The following PSIP1 variants were observed in gnomAD, a reference collection of about 807,000 sequenced individuals.
The protein encoded by PSIP1 is PC4 and SFRS1-interacting protein.
A neutral mutation model predicts 74.7 loss-of-function variants in PSIP1; 19 were observed. That is an observed-to-expected ratio of 0.25 (90% CI 0.18 to 0.37). The LOEUF (loss-of-function observed/expected upper bound fraction) is 0.37, where lower values mean the gene tolerates loss of function less well. Among genes scored for constraint, PSIP1 ranks in the 10% least tolerant of loss-of-function variants. The pLI, the probability that PSIP1 is intolerant of heterozygous loss-of-function variation, is 1.00. For missense variants in PSIP1, 601 were observed against 614.3 expected (o/e 0.98, Z 0.23); for synonymous variants, 222 against 195.3 (o/e 1.14, Z -1.14).
chr9:15,472,564 C>A (rs1219205366), intron 10 of PSIP1, 68 bp downstream of exon 10: 2 of 1,526,056 alleles, frequency 1.3e-6, no homozygotes, highest in South Asian at 2.6e-5. Flanking sequence ...AAATGAAAGT[C>A]TATTATTTAA....
rs922920368 is a variant in PSIP1, at chr9:15,465,544, C to G, written c.1569G>C (p.Leu523=). Residue 523 remains leucine, a synonymous_variant, in exon 16 of 16, where the codon CTG becomes CTC. Transcript: ENST00000380733. ...CCTAGTTATCTAGTGTAGAATCCTT[C>G]AGAGATATTTCAGTCTCTCTCTCTT... is the stretch of plus-strand genomic sequence containing the variant. The part of the protein sequence containing the change: ...SSEERETEIS[L]KDSTLDN The G allele has an allele frequency of 5.7e-6, 9 of 1,583,096 alleles. No individual in the cohort carries two copies. In the Admixed American group the frequency reaches 6.8e-5, roughly 12 times the overall value.
At chr9:15,497,141 A>G (rs1192749641) in intron 3 of PSIP1, among the ~76,000 whole-genome samples, 1 of 152,214 alleles carries the variant, frequency 6.6e-6, no homozygotes, top group Non-Finnish European at 1.5e-5. Context: ...AGCCAAAAGT[A>G]AAAATAACTC....
intron 5 of PSIP1, 80 bp from the exon 6 acceptor site, chr9:15,486,148 A>C: frequency 8.2e-7 from 1 of 1,212,556 alleles, no homozygotes; most frequent in Non-Finnish European, 1.2e-6. Flanking sequence ...AAAAGTTACA[A>C]GCACGTTTAA....
chr9:15,509,540 G>C (rs956915041), intron 2 of PSIP1, among the ~76,000 whole-genome samples: 1 of 152,166 alleles, frequency 6.6e-6, no homozygotes, highest in Non-Finnish European at 1.5e-5. Flanking sequence ...AATAAAAAAG[G>C]AGAAATGAAT....
intron 6 of PSIP1, among the ~76,000 whole-genome samples, chr9:15,480,432 A>G (rs1375717212): frequency 6.6e-6 from 1 of 152,224 alleles, no homozygotes; most frequent in Non-Finnish European, 1.5e-5. Context: ...AAACATGCAT[A>G]ATCCAATCTC....
At chr9:15,481,406 G>A (rs1002003164) in intron 6 of PSIP1, among the ~76,000 whole-genome samples, 2 of 152,218 alleles carry the variant, frequency 1.3e-5, no homozygotes, top group South Asian at 4.1e-4. Flanking sequence ...AAGAATTATA[G>A]GTAGGGTTGG....
At chr9:15,488,832 T>G (rs371180705) in intron 4 of PSIP1, among the ~76,000 whole-genome samples, 173 of 152,092 alleles carry the variant, frequency 1.1e-3, no homozygotes, top group Middle Eastern at 3.4e-3. Context: ...CCATCCTGGC[T>G]AACACGGTGA....
chr9:15,495,140 C>A (rs938645200), intron 3 of PSIP1, among the ~76,000 whole-genome samples: 1 of 152,108 alleles, frequency 6.6e-6, no homozygotes, highest in African/African-American at 2.4e-5. Flanking sequence ...CCCCAAAGGG[C>A]TCAAAATTGG....
intron 2 of PSIP1, among the ~76,000 whole-genome samples, chr9:15,507,961 T>G (rs1008229088): frequency 1.3e-5 from 2 of 152,340 alleles, no homozygotes. Context: ...TCCCGATAAT[T>G]GCAAAAATCC....
At chr9:15,480,951 T>C (rs1297700514) in intron 6 of PSIP1, among the ~76,000 whole-genome samples, 10 of 152,140 alleles carry the variant, frequency 6.6e-5, no homozygotes, top group African/African-American at 2.4e-4. Context: ...AACCTTTATA[T>C]GGCAATTCCA....
intron 12 of PSIP1, 102 bp downstream of exon 12, chr9:15,469,164 G>A (rs531847853): frequency 4.6e-4 from 610 of 1,327,238 alleles, no homozygotes; most frequent in Non-Finnish European, 6.0e-4. Context: ...AAAATGACCA[G>A]TAATTATCCC....
intron 3 of PSIP1, among the ~76,000 whole-genome samples, chr9:15,498,220 A>C (rs1449817268): frequency 6.6e-6 from 1 of 152,200 alleles, no homozygotes; most frequent in African/African-American, 2.4e-5. Flanking sequence ...GTTCGAGACC[A>C]GCCTGGCCAA....
chr9:15,471,494 G>C, intron 10 of PSIP1: 3 of 971,496 alleles, frequency 3.1e-6, no homozygotes, highest in South Asian at 4.8e-5. Flanking sequence ...TTAATTTTGA[G>C]ATCACAATAA....
chr9:15,495,638 G>A (rs2037038737), intron 3 of PSIP1, among the ~76,000 whole-genome samples: 1 of 152,172 alleles, frequency 6.6e-6, no homozygotes, highest in East Asian at 1.9e-4. Flanking sequence ...TATGGAATGC[G>A]TCTATCTTCT....
Position 15,470,605 on chromosome 9 carries a change from A to C in PSIP1, c.978-612T>G, listed in dbSNP as rs137933815. 4,780 of 952,480 alleles carry C rather than the reference A, an allele frequency of 5.0e-3. 18 individuals are homozygous for C. The highest frequency in any genetic ancestry group is 5.9e-3 in the Admixed American group (96 of 16,248). 59.0% of individuals were successfully genotyped at this position (952,480 alleles called of 1,614,324 possible). On this transcript the variant is annotated intron_variant, in intron 10 of 15. Coordinates refer to ENST00000380733, the MANE Select transcript of PSIP1 (RefSeq NM_033222.5). ...GGCCATATTATGAACCAATTCAAAT[A>C]GACAAGAACAAAAAATATCTAAAAA...
chr9:15,468,601 T>C, intron 14 of PSIP1, 29 bp downstream of exon 14: 1 of 1,597,344 alleles, frequency 6.3e-7, no homozygotes, highest in Non-Finnish European at 8.6e-7. Flanking sequence ...TAAAAACTGG[T>C]GTGAAATTGT....
At chr9:15,489,926 G>A (rs544699759) in intron 4 of PSIP1, 60 bp downstream of exon 4, 10 of 1,332,460 alleles carry the variant, frequency 7.5e-6, no homozygotes, top group South Asian at 3.2e-5. Flanking sequence ...CTACAGCTAG[G>A]ATAGTGATTA....
At chr9:15,477,576 T>G (rs76373738) in intron 8 of PSIP1, among the ~76,000 whole-genome samples, 2,002 of 152,138 alleles carry the variant, frequency 0.013, 17 homozygotes, top group Non-Finnish European at 0.019. Flanking sequence ...GCCTTTCAAA[T>G]CTTCAAACAC....
rs767922897 is a variant in PSIP1 at position 15,497,325 on chromosome 9, C to CTT, written c.150-7203_150-7202dup. ...CTGAAGACCACACGTTCTATGATTC[C>CTT]TTTTTTTTTTTTTTTTGAGACAGAG... On this transcript the variant is annotated intron_variant, in intron 3 of 15. Coordinates refer to ENST00000380733, the MANE Select transcript of PSIP1 (RefSeq NM_033222.5). 3.5e-4 allele frequency among the ~76,000 whole-genome samples: 42 copies of CTT among 118,558 alleles called. 3 individuals are homozygous for CTT. Among genetic ancestry groups the CTT allele is most frequent in the African/African-American group, 1.4e-3 (36 of 24,864 alleles). 77.8% of individuals were successfully genotyped at this position (118,558 alleles called of 152,430 possible). A position where few individuals can be genotyped will look rare whatever the true frequency, so the allele number is the denominator to read the frequency against.
Sources: gnomAD v4.1 joint callset for allele counts (sites outside exome capture counted in the v4.1 genomes callset) on GRCh38, gnomAD v4.1.1 for gene constraint, MANE v1.5 for transcripts, NCBI Gene and HGNC (gene_info 2026-07-23, HGNC 2026-07-21) for gene names.